The following VLDLR variants were observed in gnomAD, a reference collection of about 807,000 sequenced individuals.
VLDLR encodes the protein very low density lipoprotein receptor.
Under a neutral mutation model 112.7 loss-of-function variants are expected in VLDLR, and 81 were observed. The ratio of observed to expected loss-of-function variants is 0.72; its 90% CI spans 0.60 to 0.86. The LOEUF is 0.86. Ranked by LOEUF, VLDLR falls within the 40% of genes least tolerant of loss-of-function variation. The pLI is 0.00. For missense variants in VLDLR, 1,237 were observed against 1,099.4 expected, an observed-to-expected ratio of 1.13 and a Z score of -1.77; for synonymous variants, 436 against 384.8, an observed-to-expected ratio of 1.13 and a Z score of -1.56.
chr9:2,643,852 G>A lies in VLDLR; in HGVS notation c.959G>A (p.Gly320Asp). 1 of 1,614,128 alleles carries A rather than the reference G, an allele frequency of 6.2e-7. No homozygotes were observed. The highest frequency in any genetic ancestry group is 8.5e-7 in the Non-Finnish European group (1 of 1,180,038). ...CTCTTTGTAGTCAATCAGTGCTTGG[G>A]CCCTGGAAAATTCAAGTGCAGAAGT... The part of the protein sequence containing the change: ...VNCKNVNQCL[G>D]PGKFKCRSGE... The change falls in exon 7 of 19, where the codon GGC (glycine) becomes GAC (aspartate). Residue 320 changes from glycine (G) to aspartate (D), a missense_variant. Transcript: ENST00000382100.
chr9:2,641,920 T>C (rs977559624), intron 4 of VLDLR, among the ~76,000 whole-genome samples: 4 of 150,484 alleles, frequency 2.7e-5, no homozygotes, highest in Non-Finnish European at 5.9e-5. Context: ...TTGAGTATTA[T>C]ACAAGCATTT....
Position 2,650,469 on chromosome 9 carries a change from C to T in VLDLR, c.2204C>T (p.Ser735Phe). 6.2e-7 allele frequency: 1 copy of T among 1,614,042 alleles called. No individual in the cohort carries two copies. Among genetic ancestry groups the T allele is most frequent in the Middle Eastern group, 1.7e-4 (1 of 6,060 alleles). ...GATCACTCTCCAAAATATACCTGTT[C>T]CTGTCCCAGTGGGTACAATGTAGAG... ...INDHSPKYTCSCPSGYNVEEN... is the reference protein window; with the variant it reads ...INDHSPKYTCFCPSGYNVEEN... The change falls in exon 15 of 19, where the codon TCC (serine) becomes TTC (phenylalanine). Residue 735 changes from serine to phenylalanine, a missense_variant. By Grantham distance (155) the Ser-to-Phe change is radical. Transcript: ENST00000382100.
At chr9:2,644,411 C>G (rs1817974535) in intron 7 of VLDLR, among the ~76,000 whole-genome samples, 1 of 150,190 alleles carries the variant, frequency 6.7e-6, no homozygotes, top group Non-Finnish European at 1.5e-5. Context: ...CCTCGTGATC[C>G]ACCCGCCTCG....
chr9:2,648,382 G>C lies in VLDLR; in HGVS notation c.1962+35G>C, dbSNP rs1051316732. 5 of 1,613,484 alleles carry C rather than the reference G, an allele frequency of 3.1e-6. No homozygotes were observed. In the African/African-American group the frequency reaches 6.7e-5, roughly 22 times the overall value. ...GTCTCACATCAAAGTGTGTACCTTT[G>C]AGCTACTATATCACTTTGAGAAGAA... is the stretch of plus-strand genomic sequence containing the variant. On this transcript the variant is annotated intron_variant, in intron 13 of 18. Transcript: ENST00000382100.
chr9:2,648,955 C>A, intron 14 of VLDLR, 145 bp downstream of exon 14: 1 of 1,036,614 alleles, frequency 9.6e-7, no homozygotes, highest in Non-Finnish European at 1.4e-6. Context: ...AAACATTTCA[C>A]ATGTTATTTT....
At position 2,643,963 on chromosome 9, in the gene VLDLR, A is replaced by G; in HGVS notation, c.1066+4A>G. 1 of 1,613,946 alleles carries G rather than the reference A, an allele frequency of 6.2e-7. No homozygotes were observed. Among genetic ancestry groups the G allele is most frequent in the Non-Finnish European group, 8.5e-7 (1 of 1,179,962 alleles). On this transcript the variant is annotated splice_donor_region_variant and intron_variant, in intron 7 of 18. Coordinates refer to ENST00000382100, the MANE Select transcript of VLDLR (RefSeq NM_003383.5). The stretch of plus-strand genomic sequence containing the variant: ...GATGAGCCCCTGAAAGAGTGTCGTA[A>G]GTGTACTTGTTGTTCAAGTACAGAT...
Position 2,659,544 on chromosome 9 carries a change from A to G in VLDLR, c.*5676A>G, listed in dbSNP as rs1818726956. 1 of 152,284 alleles carries G rather than the reference A, an allele frequency of 6.6e-6. No homozygotes were observed. Among genetic ancestry groups the G allele is most frequent in the Non-Finnish European group, 1.5e-5 (1 of 68,046 alleles). 9.4% of individuals were successfully genotyped at this position (152,284 alleles called of 1,614,324 possible). On this transcript the variant is annotated 3_prime_UTR_variant, in exon 19 of 19. Transcript: ENST00000382100. ...TGTTGGATTGCAAAGAAAATGATAAAGATTCCCTAAAGGAATTTATAAGCA... is the reference window on the plus strand; with the variant it reads ...TGTTGGATTGCAAAGAAAATGATAAGGATTCCCTAAAGGAATTTATAAGCA...
rs1054828388 is a variant in VLDLR at position 2,658,133 on chromosome 9, A to G, written c.*4265A>G. 2 of 152,222 alleles carry G rather than the reference A, an allele frequency of 1.3e-5. No homozygotes were observed. The highest frequency in any genetic ancestry group is 4.8e-5 in the African/African-American group (2 of 41,464). 9.4% of individuals were successfully genotyped at this position (152,222 alleles called of 1,614,324 possible). On this transcript the variant is annotated 3_prime_UTR_variant, in exon 19 of 19. Transcript: ENST00000382100. ...TTTTAGCCGAAACAGTTGCATGTGA[A>G]GGATTATCAGCCATCTTTGCATATC...
chr9:2,643,588 A>G lies in VLDLR; in HGVS notation c.821-40A>G, dbSNP rs376950597. The G allele has an allele frequency of 6.2e-6, 10 of 1,613,962 alleles. No homozygotes were observed. The African/African-American group carries it at 9.3e-5, about 15-fold the overall frequency. ...TCTCTTCCCTGTATCAACTGGGACA[A>G]TTTGCTGGCTTCATTCCATGGTGTT... On this transcript the variant is annotated intron_variant, in intron 5 of 18. Transcript: ENST00000382100.
intron 1 of VLDLR, among the ~76,000 whole-genome samples, chr9:2,624,440 G>C (rs529315459): frequency 6.6e-6 from 1 of 152,330 alleles, no homozygotes; most frequent in African/African-American, 2.4e-5. Context: ...TGAACACTGA[G>C]ACTCTGGCAA....
chr9:2,649,298 G>A (rs1225006349), intron 14 of VLDLR, among the ~76,000 whole-genome samples: 2 of 152,154 alleles, frequency 1.3e-5, no homozygotes. Flanking sequence ...TCTGTTCCAG[G>A]CCTCTTCTTG....
chr9:2,629,320 A>G (rs576037854), intron 1 of VLDLR, among the ~76,000 whole-genome samples: 8 of 152,244 alleles, frequency 5.3e-5, no homozygotes, highest in Non-Finnish European at 7.3e-5. Context: ...CAAGAGCTAT[A>G]ATCCTTTTAG....
intron 2 of VLDLR, 94 bp downstream of exon 2, chr9:2,635,666 TC>T (rs1817572319): frequency 1.9e-6 from 3 of 1,580,370 alleles, no homozygotes; most frequent in Non-Finnish European, 2.6e-6. Context: ...AAAATCCACT[TC>T]TAACAATTGC....
At position 2,622,358 on chromosome 9, in the gene VLDLR, C is replaced by T. The variant is rs145366817; in HGVS notation, c.82+87C>T. On this transcript the variant is annotated intron_variant, in intron 1 of 18. Coordinates refer to ENST00000382100, the MANE Select transcript of VLDLR (RefSeq NM_003383.5). Reference sequence around the variant, plus strand: ...GAGGCGTAGGTCTCCGTTTGCCCACCCGCCTCCTAGGAGGCGCCTCTCGGT... The same window carrying T: ...GAGGCGTAGGTCTCCGTTTGCCCACTCGCCTCCTAGGAGGCGCCTCTCGGT... 581 of 1,232,158 alleles carry T rather than the reference C, an allele frequency of 4.7e-4. 7 individuals are homozygous for T. The East Asian group carries it at 0.014, about 31-fold the overall frequency. 76.3% of individuals were successfully genotyped at this position (1,232,158 alleles called of 1,614,324 possible). A position where few individuals can be genotyped will look rare whatever the true frequency, so the allele number is the denominator to read the frequency against.
At position 2,651,939 on chromosome 9, in the gene VLDLR, G is replaced by A. The variant is rs1486852887; in HGVS notation, c.2401G>A (p.Ala801Thr). Residue 801 changes from alanine (A) to threonine (T), a missense_variant, in exon 17 of 19, where the codon GCC becomes ACC. Physicochemically the swap from Ala to Thr is moderately conservative, Grantham distance 58. Coordinates refer to ENST00000382100, the MANE Select transcript of VLDLR (RefSeq NM_003383.5). Reference protein sequence around the residue: ...VPPKGTSAAWAILPLLLLVMA... With the variant: ...VPPKGTSAAWTILPLLLLVMA... ...CCCAAAAGGGACTTCTGCCGCATGG[G>A]CCATTCTTCCTCTCTGTAAGTAGAT... 3 of 1,614,050 alleles carry A rather than the reference G, an allele frequency of 1.9e-6. No homozygotes were observed. The highest frequency in any genetic ancestry group is 1.7e-5 in the Admixed American group (1 of 60,018).
chr9:2,628,797 G>A (rs973866958), intron 1 of VLDLR, among the ~76,000 whole-genome samples: 9 of 152,282 alleles, frequency 5.9e-5, no homozygotes, highest in African/African-American at 2.2e-4. Flanking sequence ...AAGAACCTCT[G>A]CCTAGTAAGA....
chr9:2,651,574 A>G (rs1268291799), intron 16 of VLDLR, 76 bp downstream of exon 16: 20 of 1,343,404 alleles, frequency 1.5e-5, no homozygotes, highest in Non-Finnish European at 2.0e-5. Context: ...TAAATAATTA[A>G]TGCAGCCTTT....
Position 2,645,646 on chromosome 9 carries a change from T to A in VLDLR, c.1385T>A (p.Ile462Asn). The change falls in exon 10 of 19, where the codon ATC (isoleucine) becomes AAC (asparagine). Residue 462 changes from isoleucine (I) to asparagine (N), a missense_variant. Physicochemically the swap from Ile to Asn is moderately radical, Grantham distance 149. Coordinates refer to ENST00000382100, the MANE Select transcript of VLDLR (RefSeq NM_003383.5). Reference sequence around the variant, plus strand: ...ATTGGCTTAGAGAGGAAAGAATATATCCAACTAGTTGAACAGCTAAGAAAC... The same window carrying A: ...ATTGGCTTAGAGAGGAAAGAATATAACCAACTAGTTGAACAGCTAAGAAAC... ...RKIGLERKEY[I>N]QLVEQLRNTV... The A allele has an allele frequency of 6.2e-7, 1 of 1,614,180 alleles. No individual in the cohort carries two copies. The highest frequency in any genetic ancestry group is 8.5e-7 in the Non-Finnish European group (1 of 1,180,026).
chr9:2,626,255 A>G (rs903257607), intron 1 of VLDLR, among the ~76,000 whole-genome samples: 2 of 152,254 alleles, frequency 1.3e-5, no homozygotes, highest in African/African-American at 4.8e-5. Flanking sequence ...TTTATATTTC[A>G]CATACACCTT....
Sources: gnomAD v4.1 joint callset for allele counts (sites outside exome capture counted in the v4.1 genomes callset) on GRCh38, gnomAD v4.1.1 for gene constraint, MANE v1.5 for transcripts, NCBI Gene and HGNC (gene_info 2026-07-23, HGNC 2026-07-21) for gene names.